Variants in FANCC observed in about 807,000 individuals in gnomAD.
The protein encoded by FANCC is Fanconi anemia group C protein.
A neutral mutation model predicts 71.3 loss-of-function variants in FANCC; 55 were observed. The observed-to-expected ratio is 0.77, with a 90% CI of 0.62 to 0.97. The LOEUF (loss-of-function observed/expected upper bound fraction) is 0.97. Ranked by LOEUF, FANCC falls within the 50% of genes least tolerant of loss-of-function variation. The probability of loss-of-function intolerance (pLI) is 0.00; values close to 1 mark genes in which losing one functional copy is unlikely to be tolerated. For synonymous variants in FANCC, 275 were observed against 244.9 expected (o/e 1.12, Z -1.15); for missense variants, 678 against 670.9 (o/e 1.01, Z -0.12).
At chr9:95,292,891 A>T (rs1834138429) in intron 1 of FANCC, 1 of 1,584,570 alleles carries the variant, frequency 6.3e-7, no homozygotes, top group Non-Finnish European at 8.7e-7. Flanking sequence ...CTTGCAGAGG[A>T]CTGTGGCAAG....
intron 6 of FANCC, among the ~76,000 whole-genome samples, chr9:95,154,838 T>C (rs918410398): frequency 6.6e-6 from 1 of 152,110 alleles, no homozygotes; most frequent in African/African-American, 2.4e-5. Flanking sequence ...ACACAGTTTT[T>C]CCATGACATA....
Position 95,240,700 on chromosome 9 carries a change from AATTAGACAAC to A in FANCC, c.284_293del (p.Cys95LeufsTer46), listed in dbSNP as rs2136049324. The A allele has an allele frequency of 1.9e-6, 3 of 1,613,396 alleles. No individual in the cohort carries two copies. Among genetic ancestry groups the A allele is most frequent in the Non-Finnish European group, 2.5e-6 (3 of 1,179,598 alleles). ...GTCCAGAATTCTGTGGTTCTTTGTT[AATTAGACAAC>A]ATAAGCACCATATTAGAATTTTTTG... On this transcript the variant is annotated frameshift_variant, in exon 4 of 15. Coordinates refer to ENST00000289081, the MANE Select transcript of FANCC (RefSeq NM_000136.3). LOFTEE classifies it high-confidence loss of function.
intron 4 of FANCC, among the ~76,000 whole-genome samples, chr9:95,201,447 A>T (rs1827798234): frequency 6.6e-6 from 1 of 152,212 alleles, no homozygotes; most frequent in South Asian, 2.1e-4. Flanking sequence ...TTAAGAAAAA[A>T]AGCAAGCCAA....
At position 95,170,729 on chromosome 9, in the gene FANCC, C is replaced by G. The variant is rs551277170; in HGVS notation, c.521+350G>C. 2.7e-5 allele frequency among the ~76,000 whole-genome samples: 4 copies of G among 147,300 alleles called. No individual in the cohort carries two copies. The East Asian group carries it at 8.1e-4, about 30-fold the overall frequency. On this transcript the variant is annotated intron_variant, in intron 6 of 14. Transcript: ENST00000289081. ...GGGCAGGCTAGTGTGAGAGCATACA[C>G]TTGCATCTGTGCACATTCTCCTCTT...
intron 1 of FANCC, among the ~76,000 whole-genome samples, chr9:95,303,504 A>G (rs1480901439): frequency 6.6e-6 from 1 of 152,242 alleles, no homozygotes; most frequent in South Asian, 2.1e-4. Flanking sequence ...AAAATATCAC[A>G]TACATGGTGG....
intron 1 of FANCC, among the ~76,000 whole-genome samples, chr9:95,287,654 C>T (rs985576488): frequency 6.6e-6 from 1 of 152,160 alleles, no homozygotes; most frequent in Non-Finnish European, 1.5e-5. Flanking sequence ...TCTGATGATG[C>T]TGGATGAACT....
chr9:95,204,888 G>C (rs1010433457), intron 4 of FANCC, among the ~76,000 whole-genome samples: 2 of 152,120 alleles, frequency 1.3e-5, no homozygotes, highest in Non-Finnish European at 2.9e-5. Context: ...AGAATGGAAC[G>C]TACCATAGAA....
intron 1 of FANCC, among the ~76,000 whole-genome samples, chr9:95,249,702 GA>G (rs1384991235): frequency 6.6e-6 from 1 of 152,140 alleles, no homozygotes; most frequent in Non-Finnish European, 1.5e-5. Flanking sequence ...AAGTTGACTT[GA>G]GTATTTTAAT....
chr9:95,184,255 A>AATG (rs1826569108), intron 4 of FANCC, among the ~76,000 whole-genome samples: 3 of 152,194 alleles, frequency 2.0e-5, no homozygotes, highest in African/African-American at 7.2e-5. Flanking sequence ...TTAATATCAA[A>AATG]ATGCCCAAAC....
chr9:95,249,976 C>A (rs779024958), intron 1 of FANCC, among the ~76,000 whole-genome samples: 3 of 152,090 alleles, frequency 2.0e-5, no homozygotes, highest in Admixed American at 6.5e-5. Flanking sequence ...TTCATTCACA[C>A]GAAGAAACCA....
chr9:95,249,735 C>G (rs982806739), intron 1 of FANCC, among the ~76,000 whole-genome samples: 1 of 152,078 alleles, frequency 6.6e-6, no homozygotes, highest in Non-Finnish European at 1.5e-5. Context: ...TAAAAAACAT[C>G]CATGAGTGTT....
intron 1 of FANCC, chr9:95,292,313 TG>T: frequency 1.8e-6 from 1 of 550,568 alleles, no homozygotes; most frequent in Non-Finnish European, 2.3e-6. Flanking sequence ...AACTGCGAGC[TG>T]GGCCTGGCCG....
At chr9:95,294,380 C>T in intron 1 of FANCC, 2 of 1,595,280 alleles carry the variant, frequency 1.3e-6, no homozygotes, top group Admixed American at 3.3e-5. Context: ...CTCGCAGATA[C>T]CTCTGCTCAG....
At chr9:95,180,339 C>CTTTTTTT (rs34697587) in intron 4 of FANCC, among the ~76,000 whole-genome samples, 7 of 82,156 alleles carry the variant, frequency 8.5e-5, no homozygotes, top group South Asian at 4.9e-4. Context: ...ACAGTTAACT[C>CTTTTTTT]TTTTTTTTTT....
At chr9:95,282,431 T>C (rs558734148) in intron 1 of FANCC, among the ~76,000 whole-genome samples, 2 of 152,212 alleles carry the variant, frequency 1.3e-5, no homozygotes, top group South Asian at 2.1e-4. Context: ...CCTAAATACA[T>C]AAAGCCAATA....
chr9:95,166,837 G>T (rs1346958098), intron 6 of FANCC, among the ~76,000 whole-genome samples: 1 of 152,058 alleles, frequency 6.6e-6, no homozygotes, highest in East Asian at 1.9e-4. Flanking sequence ...AGGGACAACT[G>T]TACTATACAA....
chr9:95,234,275 T>G (rs1830172274), intron 4 of FANCC, among the ~76,000 whole-genome samples: 1 of 152,258 alleles, frequency 6.6e-6, no homozygotes, highest in African/African-American at 2.4e-5. Flanking sequence ...TTTAATTCAT[T>G]TATGCATATC....
chr9:95,173,596 T>C (rs375823746), intron 4 of FANCC, among the ~76,000 whole-genome samples: 1 of 152,194 alleles, frequency 6.6e-6, no homozygotes, highest in East Asian at 1.9e-4. Flanking sequence ...TATGCTTATA[T>C]AGTGGCTCAC....
At chr9:95,233,278 A>G (rs1449945936) in intron 4 of FANCC, among the ~76,000 whole-genome samples, 2 of 152,188 alleles carry the variant, frequency 1.3e-5, no homozygotes, top group South Asian at 4.1e-4. Flanking sequence ...AAATATCAGT[A>G]ATGTGTTTGT....
Sources: gnomAD v4.1 joint callset for allele counts (sites outside exome capture counted in the v4.1 genomes callset) on GRCh38, gnomAD v4.1.1 for gene constraint, MANE v1.5 for transcripts, NCBI Gene and HGNC (gene_info 2026-07-23, HGNC 2026-07-21) for gene names.